Variants in MBD5 observed in about 807,000 individuals in gnomAD.
MBD5 encodes the protein methyl-CpG binding domain protein 5.
A neutral mutation model predicts 117.3 loss-of-function variants in MBD5; 13 were observed. That is an observed-to-expected ratio of 0.11 (90% CI 0.07 to 0.18). The LOEUF (loss-of-function observed/expected upper bound fraction) is 0.18, where lower values mean the gene tolerates loss of function less well. MBD5 is among the 10% of genes least tolerant of loss of function. MBD5 has a pLI of 1.00. For missense variants in MBD5, 1,879 were observed against 2,093.8 expected (o/e 0.90, Z 2.00); for synonymous variants, 727 against 766.4 (o/e 0.95, Z 0.85).
chr2:148,051,813 T>G (rs997020444), intron 1 of MBD5, among the ~76,000 whole-genome samples: 1 of 152,174 alleles, frequency 6.6e-6, no homozygotes, highest in Non-Finnish European at 1.5e-5. Flanking sequence ...GCTATTGATC[T>G]ATAGTTTTCT....
chr2:148,148,013 AT>A (rs901571925), intron 1 of MBD5, among the ~76,000 whole-genome samples: 1 of 151,872 alleles, frequency 6.6e-6, no homozygotes, highest in Non-Finnish European at 1.5e-5. Context: ...TTACTCTCCA[AT>A]TTTTTTCTTT....
At chr2:148,301,221 G>T (rs192422491) in intron 3 of MBD5, among the ~76,000 whole-genome samples, 228 of 152,316 alleles carry the variant, frequency 1.5e-3, no homozygotes, top group African/African-American at 5.3e-3. Flanking sequence ...AGGCAGAAAA[G>T]CATAGCAGTA....
chr2:148,240,063 A>T (rs1700180324), intron 3 of MBD5, among the ~76,000 whole-genome samples: 5 of 152,218 alleles, frequency 3.3e-5, no homozygotes, highest in Admixed American at 2.6e-4. Flanking sequence ...TGGCACATAT[A>T]CACCATGGAA....
chr2:148,059,845 CAA>C (rs953874046), intron 1 of MBD5, among the ~76,000 whole-genome samples: 11 of 105,772 alleles, frequency 1.0e-4, no homozygotes, highest in African/African-American at 1.0e-4. Context: ...GACTCCGTCT[CAA>C]AAAAAAAAAA....
chr2:148,327,280 C>T (rs1471407524), intron 3 of MBD5, among the ~76,000 whole-genome samples: 1 of 152,048 alleles, frequency 6.6e-6, no homozygotes, highest in Non-Finnish European at 1.5e-5. Context: ...TTTTTTCCTT[C>T]ATTTCAACTT....
rs193085099 is a variant in MBD5, at chr2:148,056,499, G to A, written c.-925+34815G>A. The stretch of plus-strand genomic sequence containing the variant: ...TTATATTTAGACAGCTCAAATTTTT[G>A]TATAAAAGTTTATATCACGCACAAA... On this transcript the variant is annotated intron_variant, in intron 1 of 13. Transcript: ENST00000642680. 7.9e-5 allele frequency among the ~76,000 whole-genome samples: 12 copies of A among 151,748 alleles called. No homozygotes were observed. The East Asian group carries it at 2.3e-3, about 29-fold the overall frequency.
At chr2:148,450,338 A>G (rs1706691072) in intron 4 of MBD5, among the ~76,000 whole-genome samples, 1 of 152,190 alleles carries the variant, frequency 6.6e-6, no homozygotes, top group African/African-American at 2.4e-5. Flanking sequence ...AATGCTATGT[A>G]GCCTCTAAAT....
chr2:148,461,632 C>T (rs1319743547), intron 5 of MBD5, among the ~76,000 whole-genome samples: 1 of 152,130 alleles, frequency 6.6e-6, no homozygotes, highest in Non-Finnish European at 1.5e-5. Flanking sequence ...AAGATATTCT[C>T]AAGTGAAAAG....
intron 11 of MBD5, among the ~76,000 whole-genome samples, chr2:148,491,281 T>C (rs1681516794): frequency 6.7e-6 from 1 of 148,660 alleles, no homozygotes; most frequent in South Asian, 2.1e-4. Context: ...AAGAAATTAG[T>C]AGGGGTCTTC....
chr2:148,271,177 C>G lies in MBD5; in HGVS notation c.-680+37782C>G, dbSNP rs568605119. The stretch of plus-strand genomic sequence containing the variant: ...TAGGCTCTAGGTAATTTTATTTATA[C>G]TCTTTATCTTTAGTCAGTTGTTTCT... On this transcript the variant is annotated intron_variant, in intron 3 of 13. Transcript: ENST00000642680. 7.9e-5 allele frequency among the ~76,000 whole-genome samples: 12 copies of G among 152,164 alleles called. No individual in the cohort carries two copies. The South Asian group carries it at 2.3e-3, about 29-fold the overall frequency.
intron 3 of MBD5, among the ~76,000 whole-genome samples, chr2:148,323,129 A>G (rs1702334884): frequency 6.6e-6 from 1 of 151,872 alleles, no homozygotes; most frequent in Non-Finnish European, 1.5e-5. Flanking sequence ...GTTTACTGAG[A>G]ATGATGATTT....
chr2:148,186,699 G>T (rs1698668001), intron 2 of MBD5, among the ~76,000 whole-genome samples: 1 of 152,136 alleles, frequency 6.6e-6, no homozygotes, highest in Non-Finnish European at 1.5e-5. Context: ...GACACGAAGA[G>T]CCAGATGGGA....
intron 1 of MBD5, among the ~76,000 whole-genome samples, chr2:148,124,429 T>G (rs1005557163): frequency 1.3e-5 from 2 of 152,080 alleles, no homozygotes; most frequent in African/African-American, 4.8e-5. Context: ...ATCTAAAAAG[T>G]TAGCCGGGCA....
intron 13 of MBD5, 80 bp from the exon 14 acceptor site, chr2:148,512,790 G>T (rs1574509465): frequency 6.2e-6 from 8 of 1,287,376 alleles, no homozygotes; most frequent in Non-Finnish European, 7.9e-6. Flanking sequence ...TCCCTACCCT[G>T]CTCCTTTGTC....
At chr2:148,384,439 C>G (rs1239485673) in intron 4 of MBD5, among the ~76,000 whole-genome samples, 2 of 152,090 alleles carry the variant, frequency 1.3e-5, no homozygotes, top group Non-Finnish European at 2.9e-5. Flanking sequence ...GAACTACAAA[C>G]CACTGCTCAA....
chr2:148,189,222 C>T (rs1486701198), intron 2 of MBD5, among the ~76,000 whole-genome samples: 1 of 148,010 alleles, frequency 6.8e-6, no homozygotes, highest in Admixed American at 6.7e-5. Context: ...GTAAACAAAG[C>T]AGCCGGGAAG....
intron 1 of MBD5, among the ~76,000 whole-genome samples, chr2:148,040,675 A>G (rs775565159): frequency 2.0e-5 from 3 of 152,196 alleles, no homozygotes; most frequent in Non-Finnish European, 4.4e-5. Context: ...TCTTTATCAT[A>G]TATGTGTATC....
chr2:148,277,988 G>T (rs1416401612), intron 3 of MBD5, among the ~76,000 whole-genome samples: 1 of 152,092 alleles, frequency 6.6e-6, no homozygotes, highest in African/African-American at 2.4e-5. Context: ...CACCACCATA[G>T]TCAAGATACA....
Position 148,483,462 on chromosome 2 carries a change from T to G in MBD5, c.2871T>G (p.Pro957=). Residue 957 remains proline (P), a synonymous_variant, in exon 9 of 14, where the codon CCT becomes CCG. Coordinates refer to ENST00000642680, the MANE Select transcript of MBD5 (RefSeq NM_001378120.1). Reference sequence around the variant, plus strand: ...GCAAGTCTGAGATCAACCTCCACCCTTTAGGTTTTCTCAACCCGAATGTAA... The same window carrying G: ...GCAAGTCTGAGATCAACCTCCACCCGTTAGGTTTTCTCAACCCGAATGTAA... ...GEGKSEINLH[P]LGFLNPNVNA... The G allele has an allele frequency of 6.2e-7, 1 of 1,614,068 alleles. No individual in the cohort carries two copies. The highest frequency in any genetic ancestry group is 8.5e-7 in the Non-Finnish European group (1 of 1,179,982).
Sources: allele counts gnomAD v4.1 joint callset (sites outside exome capture counted in the v4.1 genomes callset), GRCh38; gene constraint gnomAD v4.1.1; transcripts MANE v1.5; gene names NCBI Gene and HGNC (gene_info 2026-07-23, HGNC 2026-07-21).